PDZD9: variants seen among roughly 807,000 people sequenced by gnomAD.
The protein encoded by PDZD9 is PDZ domain-containing protein 9.
In PDZD9, 13 loss-of-function variants were observed where a neutral mutation model predicts 16.3. The observed-to-expected ratio is 0.80, with a 90% CI of 0.52 to 1.27. PDZD9 has a LOEUF of 1.27. Among genes scored for constraint, PDZD9 ranks in the 50% most tolerant of loss-of-function variants. The pLI is 0.00. For synonymous variants in PDZD9, 120 were observed against 111.0 expected, an observed-to-expected ratio of 1.08 and a Z score of -0.51; for missense variants, 288 against 310.9, an observed-to-expected ratio of 0.93 and a Z score of 0.55.
intron 3 of PDZD9, among the ~76,000 whole-genome samples, chr16:21,987,085 G>T (rs1898893387): frequency 6.6e-6 from 1 of 152,154 alleles, no homozygotes; most frequent in Admixed American, 6.5e-5. Flanking sequence ...AGTCTTAAGA[G>T]ATTTTTTGCA....
chr16:21,975,543 T>C, the PDZD9 span, among the ~76,000 whole-genome samples: 1 of 152,198 alleles, frequency 6.6e-6, no homozygotes, highest in Non-Finnish European at 1.5e-5. Context: ...GATTTATTTA[T>C]TTATTCAACA....
At chr16:21,962,010 A>G in the PDZD9 span, among the ~76,000 whole-genome samples, 4 of 152,104 alleles carry the variant, frequency 2.6e-5, no homozygotes, top group African/African-American at 4.8e-5. Flanking sequence ...CATCACCAAC[A>G]TTCAGCTCCG....
intron 2 of PDZD9, among the ~76,000 whole-genome samples, chr16:21,991,439 A>G (rs1899020187): frequency 6.6e-6 from 1 of 151,944 alleles, no homozygotes; most frequent in African/African-American, 2.4e-5. Flanking sequence ...GGGTTTTGTC[A>G]TGTTGCCCCA....
chr16:21,996,195 G>C, intron 2 of PDZD9, 127 bp downstream of exon 2: 3 of 1,187,420 alleles, frequency 2.5e-6, no homozygotes, highest in Non-Finnish European at 3.4e-6. Context: ...CAAAGTGCTG[G>C]GATTACAGGC....
the PDZD9 span, among the ~76,000 whole-genome samples, chr16:21,969,749 A>T: frequency 1.3e-5 from 2 of 152,158 alleles, no homozygotes; most frequent in African/African-American, 2.4e-5. Context: ...AACAGATTCA[A>T]CTATTACCAC....
At chr16:21,957,713 A>G in the PDZD9 span, 6 of 1,214,810 alleles carry the variant, frequency 4.9e-6, no homozygotes, top group South Asian at 7.6e-5. Flanking sequence ...AAACCAAATA[A>G]GTTTATCCTG....
the PDZD9 span, among the ~76,000 whole-genome samples, chr16:21,961,895 C>T: frequency 2.0e-5 from 3 of 151,542 alleles, no homozygotes; most frequent in South Asian, 4.2e-4. Context: ...TCAAGTGATC[C>T]GCCCACCTCG....
intron 2 of PDZD9, chr16:21,995,288 C>T (rs1441947296): frequency 8.8e-6 from 4 of 455,260 alleles, no homozygotes; most frequent in Non-Finnish European, 1.8e-5. Flanking sequence ...GAGGCCTCCC[C>T]AGCCATGCTT....
chr16:21,963,620 C>T, the PDZD9 span, among the ~76,000 whole-genome samples: 1 of 151,956 alleles, frequency 6.6e-6, no homozygotes, highest in African/African-American at 2.4e-5. Context: ...CACACCACCG[C>T]ACCCTGCTAA....
At chr16:21,983,072 G>A (rs541178433), downstream of PDZD9, 15 of 1,606,688 alleles carry the variant, frequency 9.3e-6, no homozygotes, top group East Asian at 2.9e-4. Context: ...TTTGTCTTTT[G>A]TTTGTTTCTT....
downstream of PDZD9, chr16:21,983,389 A>G (rs1898785523): frequency 3.8e-6 from 2 of 521,334 alleles, no homozygotes; most frequent in South Asian, 3.2e-5. Context: ...ATCAACAAGT[A>G]TTTATTATGT....
chr16:21,961,670 T>TATATATATA, the PDZD9 span, among the ~76,000 whole-genome samples: 26 of 48,720 alleles, frequency 5.3e-4, no homozygotes, highest in Non-Finnish European at 1.5e-3. Context: ...ATATATATAT[T>TATATATATA]TTAGACAGTC....
At chr16:21,974,047 G>A in the PDZD9 span, 24 of 1,409,510 alleles carry the variant, frequency 1.7e-5, no homozygotes, top group Admixed American at 3.8e-4. Context: ...ACATGTTTTC[G>A]GTTAAAATAT....
the PDZD9 span, chr16:21,973,768 G>C: frequency 1.3e-6 from 1 of 751,672 alleles, no homozygotes; most frequent in Non-Finnish European, 2.2e-6. Flanking sequence ...GACAGAACTG[G>C]CTAAGTAAAA....
At position 21,984,264 on chromosome 16, in the gene PDZD9, T is replaced by C; in HGVS notation, c.*3A>G. ...GATAAATGCTCATATGACCACAGAT[T>C]TGCTAACCAACCTTTGATACCAGTT... On this transcript the variant is annotated 3_prime_UTR_variant, in exon 4 of 4. Transcript: ENST00000424898. 1 of 1,603,448 alleles carries C rather than the reference T, an allele frequency of 6.2e-7. No homozygotes were observed. The highest frequency in any genetic ancestry group is 2.2e-5 in the East Asian group (1 of 44,690).
downstream of PDZD9, chr16:21,980,833 C>A: frequency 9.8e-7 from 1 of 1,017,484 alleles, no homozygotes; most frequent in Non-Finnish European, 1.4e-6. Context: ...AATGTGGAGG[C>A]AGGAGGGCTC....
chr16:21,984,667 TGAAAA>T lies in PDZD9; in HGVS notation c.402-12_402-8del. ...CTCAATTTTCTTTGGTGTGCTGAAATGAAAAGAATAGTGAATAAAATAGATTCTTC... is the reference window on the plus strand; with the variant it reads ...CTCAATTTTCTTTGGTGTGCTGAAATGAATAGTGAATAAAATAGATTCTTC... On this transcript the variant is annotated splice_region_variant and splice_polypyrimidine_tract_variant and intron_variant, in intron 3 of 3. Transcript: ENST00000424898. The T allele has an allele frequency of 1.3e-6, 2 of 1,493,912 alleles. No individual in the cohort carries two copies. The highest frequency in any genetic ancestry group is 2.3e-5 in the Admixed American group (1 of 43,294). 92.5% of individuals were successfully genotyped at this position (1,493,912 alleles called of 1,614,324 possible). A position where few individuals can be genotyped will look rare whatever the true frequency, so the allele number is the denominator to read the frequency against.
At chr16:21,963,005 T>A in the PDZD9 span, 1 of 1,293,528 alleles carries the variant, frequency 7.7e-7, no homozygotes, top group Middle Eastern at 2.8e-4. Flanking sequence ...ATTTATTGTT[T>A]TGAGACAGAG....
chr16:21,982,438 T>G (rs1420337139), downstream of PDZD9, among the ~76,000 whole-genome samples: 1 of 152,182 alleles, frequency 6.6e-6, no homozygotes, highest in Non-Finnish European at 1.5e-5. Context: ...AACAGGAAAG[T>G]ATATCCCTGC....
Sources: allele counts gnomAD v4.1 joint callset (sites outside exome capture counted in the v4.1 genomes callset), GRCh38; gene constraint gnomAD v4.1.1; transcripts MANE v1.5; gene names NCBI Gene and HGNC (gene_info 2026-07-23, HGNC 2026-07-21).